ORC3: variants seen among roughly 807,000 people sequenced by gnomAD.
ORC3 encodes the protein homolog of latheo, Drosophila.
Under a neutral mutation model 100.7 loss-of-function variants are expected in ORC3, and 78 were observed. The observed-to-expected ratio is 0.77, with a 90% CI of 0.65 to 0.94. The LOEUF (loss-of-function observed/expected upper bound fraction) is 0.94. Among genes scored for constraint, ORC3 ranks in the 40% least tolerant of loss-of-function variants. ORC3 has a pLI of 0.00. For missense variants in ORC3, 789 were observed against 823.9 expected (o/e 0.96, Z 0.52); for synonymous variants, 295 against 289.3 (o/e 1.02, Z -0.20).
At chr6:87,673,161 T>A in the ORC3 span, among the ~76,000 whole-genome samples, 1 of 136,312 alleles carries the variant, frequency 7.3e-6, no homozygotes, top group African/African-American at 2.7e-5. Context: ...AAAATTTTTT[T>A]TTTTTTTTTT....
the ORC3 span, among the ~76,000 whole-genome samples, chr6:87,674,302 C>CTCA: frequency 2.3e-5 from 2 of 87,144 alleles, no homozygotes; most frequent in Non-Finnish European, 2.2e-5. Context: ...AACTCTATCT[C>CTCA]AAAAAAAAAA....
chr6:87,675,488 A>G, the ORC3 span: 5 of 1,487,548 alleles, frequency 3.4e-6, no homozygotes, highest in African/African-American at 4.2e-5. Flanking sequence ...AAAGCTTGAA[A>G]TAACCTGTAT....
chr6:87,601,846 C>T lies in ORC3; in HGVS notation c.142C>T (p.Gln48Ter). Residue 48 changes from glutamine to a stop codon, truncating the protein, a stop_gained, in exon 3 of 20, where the codon CAG becomes TAG. Transcript: ENST00000392844. LOFTEE classifies it high-confidence loss of function. The stretch of plus-strand genomic sequence containing the variant: ...CAGTAAGCTTCGATTCGAAACTTAT[C>T]AGTTGATATGGCAGCAGATGAAATC... ...EDSKLRFETYQLIWQQMKSEN... is the reference protein window; with the variant it reads ...EDSKLRFETY 1.2e-6 allele frequency: 2 copies of T among 1,610,348 alleles called. No individual in the cohort carries two copies. The highest frequency in any genetic ancestry group is 1.7e-6 in the Non-Finnish European group (2 of 1,176,636).
At chr6:87,662,494 A>G (rs28381538) in intron 16 of ORC3, among the ~76,000 whole-genome samples, 180 of 152,326 alleles carry the variant, frequency 1.2e-3, no homozygotes, top group African/African-American at 3.7e-3. Context: ...TCCATGAAAG[A>G]TATCAACTAA....
Position 87,610,558 on chromosome 6 carries a change from T to A in ORC3, c.713+1329T>A, listed in dbSNP as rs566845050. On this transcript the variant is annotated intron_variant, in intron 7 of 19. Transcript: ENST00000392844. ...TACTTTATTTTTTTTTATTTTTTAT[T>A]TTTTTTGAGACGGAGTCTCGCTCTG... Among the ~76,000 whole-genome samples, 54 of 132,454 alleles carry A rather than the reference T, an allele frequency of 4.1e-4. 5 individuals carry two copies. Among genetic ancestry groups the A allele is most frequent in the Admixed American group, 3.6e-3 (49 of 13,668 alleles). The allele number at this position is 132,454 out of a possible 152,430, so 86.9% of individuals were successfully genotyped here.
intron 14 of ORC3, among the ~76,000 whole-genome samples, chr6:87,656,634 G>A (rs377319924): frequency 2.0e-5 from 3 of 152,032 alleles, no homozygotes; most frequent in African/African-American, 7.2e-5. Flanking sequence ...TGGTTTGAGG[G>A]AGTTTTGTTA....
Position 87,636,394 on chromosome 6 carries a change from T to C in ORC3, c.1303-13T>C, listed in dbSNP as rs1276095598. 3.8e-6 allele frequency: 6 copies of C among 1,570,962 alleles called. No individual in the cohort carries two copies. On this transcript the variant is annotated splice_polypyrimidine_tract_variant and intron_variant, in intron 12 of 19. Coordinates refer to ENST00000392844, the MANE Select transcript of ORC3 (RefSeq NM_012381.4). ...CACTTTTGGTTCCTCACAAATGTGT[T>C]GTTCCCTTACAGATCAGAGAGTTGT... is the stretch of plus-strand genomic sequence containing the variant.
the ORC3 span, among the ~76,000 whole-genome samples, chr6:87,676,805 G>A: frequency 6.7e-6 from 1 of 150,016 alleles, no homozygotes; most frequent in Non-Finnish European, 1.5e-5. Flanking sequence ...GGCCGGGCAT[G>A]GTGGCTTACG....
At chr6:87,614,790 T>C (rs1457379215) in intron 8 of ORC3, among the ~76,000 whole-genome samples, 1 of 152,188 alleles carries the variant, frequency 6.6e-6, no homozygotes, top group East Asian at 1.9e-4. Context: ...TGAGACCCCC[T>C]CAGCCTGTTT....
intron 8 of ORC3, among the ~76,000 whole-genome samples, chr6:87,613,077 C>T (rs1679810218): frequency 6.6e-6 from 1 of 152,194 alleles, no homozygotes; most frequent in African/African-American, 2.4e-5. Context: ...TTAATATTGA[C>T]TGTATTAGTC....
At chr6:87,623,583 AT>A (rs1235457056) in intron 11 of ORC3, among the ~76,000 whole-genome samples, 2 of 152,176 alleles carry the variant, frequency 1.3e-5, no homozygotes, top group African/African-American at 4.8e-5. Flanking sequence ...CTAGTGTATT[AT>A]AGAAATTGCC....
rs183274355 is a variant in ORC3, at chr6:87,632,078, C to T, written c.1186-2767C>T. On this transcript the variant is annotated intron_variant, in intron 11 of 19. Coordinates refer to ENST00000392844, the MANE Select transcript of ORC3 (RefSeq NM_012381.4). ...ACTCAGGAGGCTGAGGCAGGAGAAC[C>T]GCTTGAGCCTGGGAGGTGGAGGTTG... is the stretch of plus-strand genomic sequence containing the variant. 1.3e-4 allele frequency among the ~76,000 whole-genome samples: 20 copies of T among 152,140 alleles called. No homozygotes were observed. The East Asian group carries it at 2.5e-3, about 19-fold the overall frequency.
At position 87,658,030 on chromosome 6, in the gene ORC3, T is replaced by C. The variant is rs766162689; in HGVS notation, c.1691+12T>C. On this transcript the variant is annotated intron_variant, in intron 16 of 19. Coordinates refer to ENST00000392844, the MANE Select transcript of ORC3 (RefSeq NM_012381.4). ...GACTGTCTAGTGAGGTAAGTCTAAATTTAGCTCTTAAGAGCTAAAAATCAT... is the reference window on the plus strand; with the variant it reads ...GACTGTCTAGTGAGGTAAGTCTAAACTTAGCTCTTAAGAGCTAAAAATCAT... 1.4e-6 allele frequency: 2 copies of C among 1,432,182 alleles called. No homozygotes were observed. Among genetic ancestry groups the C allele is most frequent in the South Asian group, 2.3e-5 (2 of 87,266 alleles). 88.7% of individuals were successfully genotyped at this position (1,432,182 alleles called of 1,614,324 possible). A position where few individuals can be genotyped will look rare whatever the true frequency, so the allele number is the denominator to read the frequency against.
At chr6:87,671,661 G>C (rs1310443851), downstream of ORC3, among the ~76,000 whole-genome samples, 2 of 152,160 alleles carry the variant, frequency 1.3e-5, no homozygotes, top group Non-Finnish European at 2.9e-5. Flanking sequence ...GGAGCAGCCA[G>C]TAAAGGAGAA....
intron 13 of ORC3, among the ~76,000 whole-genome samples, chr6:87,643,306 T>C (rs576254096): frequency 1.3e-5 from 2 of 152,188 alleles, no homozygotes; most frequent in South Asian, 4.1e-4. Flanking sequence ...AACGCTGGTA[T>C]GGTGTTTCAG....
the ORC3 span, chr6:87,675,763 G>A: frequency 8.9e-6 from 13 of 1,466,624 alleles, no homozygotes; most frequent in African/African-American, 4.2e-5. Flanking sequence ...CAGTAATTTT[G>A]TTGAATTCTC....
At position 87,603,532 on chromosome 6, in the gene ORC3, T is replaced by C. The variant is rs772053288; in HGVS notation, c.322+4T>C. ...CCAACTGCTGCTCTTGTTCTTGGTA[T>C]ATATGCGTATGTTTGTTCATGCATG... On this transcript the variant is annotated splice_donor_region_variant and intron_variant, in intron 4 of 19. Coordinates refer to ENST00000392844, the MANE Select transcript of ORC3 (RefSeq NM_012381.4). The C allele has an allele frequency of 4.4e-5, 66 of 1,483,524 alleles. No homozygotes were observed. The highest frequency in any genetic ancestry group is 1.8e-4 in the Middle Eastern group (1 of 5,552). The allele number at this position is 1,483,524 out of a possible 1,614,324, so 91.9% of individuals were successfully genotyped here. A position where few individuals can be genotyped will look rare whatever the true frequency, so the allele number is the denominator to read the frequency against.
intron 2 of ORC3, among the ~76,000 whole-genome samples, chr6:87,597,676 T>C (rs1158827295): frequency 1.5e-5 from 2 of 130,170 alleles, no homozygotes; most frequent in African/African-American, 7.6e-5. Context: ...ATGATATATA[T>C]ATATACACAC....
At chr6:87,622,972 G>C (rs1481831316) in intron 11 of ORC3, among the ~76,000 whole-genome samples, 2 of 152,070 alleles carry the variant, frequency 1.3e-5, no homozygotes, top group Non-Finnish European at 2.9e-5. Context: ...AAAGTTGTTA[G>C]AATATTGTAA....
Sources: gnomAD v4.1 joint callset for allele counts (sites outside exome capture counted in the v4.1 genomes callset) on GRCh38, gnomAD v4.1.1 for gene constraint, MANE v1.5 for transcripts, NCBI Gene and HGNC (gene_info 2026-07-23, HGNC 2026-07-21) for gene names.